The following MAP2 variants were observed in gnomAD, a reference collection of about 807,000 sequenced individuals.
MAP2 encodes microtubule associated protein 2, also known as microtubule-associated protein 2.
MAP2 carries 14 observed loss-of-function variants against 137.6 expected under a neutral mutation model. The observed-to-expected ratio is 0.10, with a 90% CI of 0.07 to 0.16. MAP2 has a LOEUF of 0.16. MAP2 is among the 10% of genes least tolerant of loss of function. The probability of loss-of-function intolerance (pLI) is 1.00; values close to 1 mark genes in which losing one functional copy is unlikely to be tolerated. For synonymous variants in MAP2, 786 were observed against 782.3 expected (o/e 1.00, Z -0.08); for missense variants, 2,088 against 2,191.5 (o/e 0.95, Z 0.94).
chr2:209,573,678 G>A (rs2153379579), intron 2 of MAP2, among the ~76,000 whole-genome samples: 1 of 152,122 alleles, frequency 6.6e-6, no homozygotes, highest in South Asian at 2.1e-4. Flanking sequence ...GCAATTCAGT[G>A]GTTTTTAATA....
At chr2:209,487,080 T>C (rs544417879) in intron 1 of MAP2, among the ~76,000 whole-genome samples, 2 of 152,314 alleles carry the variant, frequency 1.3e-5, no homozygotes, top group South Asian at 4.1e-4. Context: ...TGTATGAAAA[T>C]ATACTTTATG....
intron 1 of MAP2, among the ~76,000 whole-genome samples, chr2:209,470,153 G>C (rs1010060916): frequency 2.6e-5 from 4 of 152,038 alleles, no homozygotes; most frequent in Non-Finnish European, 5.9e-5. Context: ...AATTAGTATA[G>C]CATGTTTGAA....
At chr2:209,569,358 T>C (rs531202474) in intron 2 of MAP2, among the ~76,000 whole-genome samples, 320 of 151,954 alleles carry the variant, frequency 2.1e-3, no homozygotes, top group Admixed American at 4.6e-3. Context: ...ATTTATTGAA[T>C]ATTTATTGTG....
At chr2:209,483,389 C>T (rs911243706) in intron 1 of MAP2, among the ~76,000 whole-genome samples, 2 of 152,100 alleles carry the variant, frequency 1.3e-5, no homozygotes, top group African/African-American at 2.4e-5. Context: ...GCCTGGGCAA[C>T]ACAGTAAGAC....
At chr2:209,661,677 A>T (rs2043695257) in intron 5 of MAP2, 1 of 985,320 alleles carries the variant, frequency 1.0e-6, no homozygotes, top group African/African-American at 1.7e-5. Context: ...CAGTTCCACG[A>T]GGTTTGTATT....
chr2:209,658,353 T>G (rs2041876786), intron 5 of MAP2, among the ~76,000 whole-genome samples: 1 of 152,062 alleles, frequency 6.6e-6, no homozygotes, highest in Non-Finnish European at 1.5e-5. Context: ...CTGTGCCTGT[T>G]TATAGAATCA....
chr2:209,552,643 A>G (rs1277273726), intron 2 of MAP2, among the ~76,000 whole-genome samples: 1 of 152,064 alleles, frequency 6.6e-6, no homozygotes, highest in African/African-American at 2.4e-5. Context: ...CGGGTGGATC[A>G]CGAGGTCAGG....
intron 12 of MAP2, among the ~76,000 whole-genome samples, chr2:209,708,207 C>G (rs2064100330): frequency 6.6e-6 from 1 of 152,132 alleles, no homozygotes; most frequent in Non-Finnish European, 1.5e-5. Context: ...CATAACAAAC[C>G]AGGACATGGA....
intron 1 of MAP2, among the ~76,000 whole-genome samples, chr2:209,461,924 A>G (rs1304165856): frequency 6.6e-6 from 1 of 151,970 alleles, no homozygotes; most frequent in African/African-American, 2.4e-5. Flanking sequence ...TTTCTAATCC[A>G]TGGAATTTAA....
intron 13 of MAP2, among the ~76,000 whole-genome samples, chr2:209,717,018 G>C (rs1227202803): frequency 6.6e-6 from 1 of 152,160 alleles, no homozygotes; most frequent in African/African-American, 2.4e-5. Flanking sequence ...AGGAGACATA[G>C]AGAGGGAGGA....
chr2:209,534,326 A>G (rs1481661759), intron 2 of MAP2, among the ~76,000 whole-genome samples: 1 of 152,214 alleles, frequency 6.6e-6, no homozygotes, highest in Non-Finnish European at 1.5e-5. Context: ...GTTTTGCCCA[A>G]GGCCACTTGG....
intron 4 of MAP2, among the ~76,000 whole-genome samples, chr2:209,637,919 G>T (rs1051981218): frequency 2.0e-5 from 3 of 151,800 alleles, no homozygotes; most frequent in Non-Finnish European, 2.9e-5. Flanking sequence ...TACCTAACTT[G>T]CATATGATGG....
chr2:209,539,239 A>G (rs1401319599), intron 2 of MAP2, among the ~76,000 whole-genome samples: 1 of 152,242 alleles, frequency 6.6e-6, no homozygotes, highest in African/African-American at 2.4e-5. Context: ...AATGCCAAGT[A>G]TAAAGACCAA....
chr2:209,437,512 C>T (rs1443816411), intron 1 of MAP2, among the ~76,000 whole-genome samples: 2 of 151,304 alleles, frequency 1.3e-5, no homozygotes, highest in African/African-American at 2.4e-5. Flanking sequence ...CTTCTAATTT[C>T]GATAATAGGT....
At chr2:209,637,775 A>AC (rs2093685662) in intron 4 of MAP2, among the ~76,000 whole-genome samples, 1 of 152,150 alleles carries the variant, frequency 6.6e-6, no homozygotes, top group South Asian at 2.1e-4. Flanking sequence ...ATTTTTGAAT[A>AC]CCAGTGCATT....
At chr2:209,579,532 C>T (rs1313068090) in intron 2 of MAP2, 1 of 152,226 alleles carries the variant, frequency 6.6e-6, no homozygotes, top group Admixed American at 6.5e-5. Context: ...TGAGCTCTCT[C>T]CCTCTCTCCC....
intron 13 of MAP2, among the ~76,000 whole-genome samples, chr2:209,715,092 T>A (rs754421507): frequency 1.3e-5 from 2 of 152,180 alleles, no homozygotes; most frequent in Non-Finnish European, 2.9e-5. Context: ...TTAAAATACA[T>A]GTTATATTAA....
At chr2:209,690,805 G>A (rs778752053) in intron 7 of MAP2, 1 of 1,289,138 alleles carries the variant, frequency 7.8e-7, no homozygotes, top group South Asian at 1.2e-5. Flanking sequence ...AAGAGGTCAA[G>A]GAGGTGTCTC....
intron 5 of MAP2, among the ~76,000 whole-genome samples, chr2:209,671,650 A>G (rs778315101): frequency 1.1e-4 from 16 of 151,952 alleles, no homozygotes; most frequent in Non-Finnish European, 2.2e-4. Context: ...TTATTATACC[A>G]AAGATTCTTA....
Sources: allele counts gnomAD v4.1 joint callset (sites outside exome capture counted in the v4.1 genomes callset), GRCh38; gene constraint gnomAD v4.1.1; transcripts MANE v1.5; gene names NCBI Gene and HGNC (gene_info 2026-07-23, HGNC 2026-07-21).